Variants in SLC35F4 observed in about 807,000 individuals in gnomAD.
SLC35F4 encodes chromosome 14 open reading frame 36.
Under a neutral mutation model 44.2 loss-of-function variants are expected in SLC35F4, and 24 were observed. The ratio of observed to expected loss-of-function variants is 0.54; its 90% CI spans 0.39 to 0.76. The LOEUF (loss-of-function observed/expected upper bound fraction) is 0.76, where lower values mean the gene tolerates loss of function less well. Among genes scored for constraint, SLC35F4 ranks in the 30% least tolerant of loss-of-function variants. SLC35F4 has a pLI of 0.00. For synonymous variants in SLC35F4, 238 were observed against 223.6 expected (o/e 1.06, Z -0.57); for missense variants, 562 against 586.1 (o/e 0.96, Z 0.42).
intron 1 of SLC35F4, among the ~76,000 whole-genome samples, chr14:57,891,753 G>A (rs1207022252): frequency 6.6e-6 from 1 of 152,088 alleles, no homozygotes. Flanking sequence ...GCATGCACCT[G>A]TAGTCCCAGC....
At chr14:57,764,983 T>G (rs551345032) in intron 1 of SLC35F4, among the ~76,000 whole-genome samples, 74 of 152,274 alleles carry the variant, frequency 4.9e-4, no homozygotes, top group African/African-American at 1.8e-3. Flanking sequence ...TATTATAAAA[T>G]TATTTAAACA....
intron 1 of SLC35F4, among the ~76,000 whole-genome samples, chr14:57,824,595 G>A (rs8011786): frequency 0.26 from 39,138 of 151,974 alleles, 5,386 homozygotes; most frequent in Admixed American, 0.38. Flanking sequence ...TTTCTTTGGG[G>A]TTATCAAGGA....
At chr14:57,971,722 G>C (rs1029171795) in intron 1 of SLC35F4, among the ~76,000 whole-genome samples, 14 of 152,204 alleles carry the variant, frequency 9.2e-5, no homozygotes, top group African/African-American at 3.4e-4. Flanking sequence ...TCGAATGGTG[G>C]TTGCCAGGGC....
intron 1 of SLC35F4, among the ~76,000 whole-genome samples, chr14:57,609,548 A>T (rs2071367410): frequency 6.6e-6 from 1 of 152,160 alleles, no homozygotes; most frequent in Non-Finnish European, 1.5e-5. Flanking sequence ...CACCCATGTG[A>T]GGCGAATTAT....
rs147289914 is a variant in SLC35F4 at position 57,698,304 on chromosome 14, T to A, written c.104-104180A>T. On this transcript the variant is annotated intron_variant, in intron 1 of 7. Coordinates refer to ENST00000556826, the MANE Select transcript of SLC35F4 (RefSeq NM_001306087.2). Reference sequence around the variant, plus strand: ...AACTCACTGTGATAAAGATCCTTGTTAGGGCACACTTACGATTATATTCTC... The same window carrying A: ...AACTCACTGTGATAAAGATCCTTGTAAGGGCACACTTACGATTATATTCTC... 2.9e-4 allele frequency among the ~76,000 whole-genome samples: 44 copies of A among 152,314 alleles called. 1 individual carries two copies. The highest frequency in any genetic ancestry group is 9.9e-4 in the African/African-American group (41 of 41,568).
chr14:57,762,152 T>G (rs1003056984), intron 1 of SLC35F4, among the ~76,000 whole-genome samples: 1 of 152,180 alleles, frequency 6.6e-6, no homozygotes, highest in Middle Eastern at 3.2e-3. Context: ...ATCTAATTCA[T>G]GTGCCTGCAT....
At chr14:57,981,987 C>T (rs1307561867) in exon 1 of SLC35F4, 1 of 152,146 alleles carries the variant, frequency 6.6e-6, no homozygotes, top group Non-Finnish European at 1.5e-5. Context: ...ATCAAGTGTG[C>T]TTTCTTGAGC....
chr14:57,934,824 T>C (rs367797450), intron 1 of SLC35F4, among the ~76,000 whole-genome samples: 8 of 152,282 alleles, frequency 5.3e-5, no homozygotes, highest in Middle Eastern at 3.4e-3. Flanking sequence ...TAATCACCGA[T>C]TTTTCTTCTC....
chr14:57,937,034 G>A (rs1008605538), intron 1 of SLC35F4, among the ~76,000 whole-genome samples: 2 of 150,842 alleles, frequency 1.3e-5, no homozygotes, highest in East Asian at 3.9e-4. Context: ...CTTACATTTA[G>A]CAGCAGGAAA....
intron 1 of SLC35F4, among the ~76,000 whole-genome samples, chr14:57,771,200 G>A (rs1051803397): frequency 6.6e-6 from 1 of 152,114 alleles, no homozygotes; most frequent in Admixed American, 6.5e-5. Flanking sequence ...TCCTCACTCT[G>A]CACTTATTAA....
intron 1 of SLC35F4, among the ~76,000 whole-genome samples, chr14:57,884,954 T>G (rs1031458550): frequency 6.6e-6 from 1 of 152,270 alleles, no homozygotes; most frequent in Admixed American, 6.5e-5. Context: ...CAAATATTTT[T>G]CTAAAGATAC....
chr14:57,747,083 G>C lies in SLC35F4; in HGVS notation c.103+118640C>G, dbSNP rs1225831103. ...ATTCCATTGGGACATTCAGCATCTT[G>C]AGGAATAAAACAAAACAAAAAGGAA... On this transcript the variant is annotated intron_variant, in intron 1 of 7. Coordinates refer to ENST00000556826, the MANE Select transcript of SLC35F4 (RefSeq NM_001306087.2). Among the ~76,000 whole-genome samples the C allele has an allele frequency of 2.0e-5, 3 of 152,132 alleles. No homozygotes were observed. The South Asian group carries it at 6.2e-4, about 31-fold the overall frequency.
chr14:57,576,885 C>T (rs1023616174), intron 4 of SLC35F4, among the ~76,000 whole-genome samples: 1 of 152,186 alleles, frequency 6.6e-6, no homozygotes, highest in African/African-American at 2.4e-5. Context: ...GACACATTGA[C>T]TGCACCATGT....
At chr14:57,712,815 T>A (rs1025714734) in intron 1 of SLC35F4, among the ~76,000 whole-genome samples, 3 of 152,228 alleles carry the variant, frequency 2.0e-5, no homozygotes, top group Admixed American at 1.3e-4. Context: ...AGAAGTTATT[T>A]ATAATCCACT....
chr14:57,666,458 A>G (rs2074312181), intron 1 of SLC35F4, among the ~76,000 whole-genome samples: 1 of 152,136 alleles, frequency 6.6e-6, no homozygotes, highest in South Asian at 2.1e-4. Flanking sequence ...CCTGCCAACA[A>G]CCTGAATGAG....
chr14:57,781,817 A>T (rs964633142), intron 1 of SLC35F4, among the ~76,000 whole-genome samples: 1 of 152,214 alleles, frequency 6.6e-6, no homozygotes, highest in Non-Finnish European at 1.5e-5. Context: ...AGGAACAGAA[A>T]ACCAAATAGC....
At chr14:57,815,349 C>T (rs891211707) in intron 1 of SLC35F4, among the ~76,000 whole-genome samples, 1 of 152,176 alleles carries the variant, frequency 6.6e-6, no homozygotes, top group Non-Finnish European at 1.5e-5. Flanking sequence ...AAGAGAAGCA[C>T]ATTTTGCCAT....
chr14:57,758,025 G>GTGTGTGTGTA (rs1213176366), intron 1 of SLC35F4, among the ~76,000 whole-genome samples: 2 of 151,630 alleles, frequency 1.3e-5, no homozygotes, highest in African/African-American at 4.8e-5. Flanking sequence ...GTGTGTGTGT[G>GTGTGTGTGTA]TGTGTGTGTG....
At chr14:57,676,000 A>G (rs772912876) in intron 1 of SLC35F4, among the ~76,000 whole-genome samples, 2 of 152,116 alleles carry the variant, frequency 1.3e-5, no homozygotes, top group Non-Finnish European at 2.9e-5. Flanking sequence ...ACGCTCAGCA[A>G]AGGAAATAAT....
Sources: gnomAD v4.1 joint callset for allele counts (sites outside exome capture counted in the v4.1 genomes callset) on GRCh38, gnomAD v4.1.1 for gene constraint, MANE v1.5 for transcripts, NCBI Gene and HGNC (gene_info 2026-07-23, HGNC 2026-07-21) for gene names.